The following MRTFB variants were observed in gnomAD, a reference collection of about 807,000 sequenced individuals.
MRTFB encodes the protein myocardin related transcription factor B.
MRTFB carries 29 observed loss-of-function variants against 104.2 expected under a neutral mutation model. That is an observed-to-expected ratio of 0.28 (90% CI 0.21 to 0.38). The LOEUF is 0.38. Among genes scored for constraint, MRTFB ranks in the 10% least tolerant of loss-of-function variants. MRTFB has a pLI of 1.00. For synonymous variants in MRTFB, 535 were observed against 519.5 expected (o/e 1.03, Z -0.41); for missense variants, 1,270 against 1,341.6 (o/e 0.95, Z 0.83).
intron 3 of MRTFB, among the ~76,000 whole-genome samples, chr16:14,161,449 A>G (rs1441872888): frequency 1.3e-5 from 2 of 152,124 alleles, no homozygotes; most frequent in Non-Finnish European, 2.9e-5. Flanking sequence ...TCTGGATTGA[A>G]CTCATACACA....
At chr16:14,151,506 G>A (rs1009733214) in intron 3 of MRTFB, 1 of 152,064 alleles carries the variant, frequency 6.6e-6, no homozygotes, top group Non-Finnish European at 1.5e-5. Context: ...AAGTCAGTGT[G>A]GCTTTTCAGA....
chr16:14,207,126 T>C (rs2040982716), intron 3 of MRTFB, among the ~76,000 whole-genome samples: 1 of 152,168 alleles, frequency 6.6e-6, no homozygotes, highest in Admixed American at 6.5e-5. Flanking sequence ...TCTAAATAAA[T>C]GAATGTGCCT....
intron 10 of MRTFB, chr16:14,241,000 G>A (rs1444268094): frequency 5.9e-6 from 3 of 507,994 alleles, no homozygotes; most frequent in Non-Finnish European, 6.8e-6. Flanking sequence ...TGGAAGGTGA[G>A]AAAAATTGCC....
the MRTFB span, among the ~76,000 whole-genome samples, chr16:14,059,799 G>C: frequency 6.6e-6 from 1 of 152,170 alleles, no homozygotes; most frequent in African/African-American, 2.4e-5. Context: ...TAGGGTCCAA[G>C]GTGAAGGGGA....
chr16:14,088,559 C>T (rs1332619274), intron 2 of MRTFB, among the ~76,000 whole-genome samples: 1 of 152,124 alleles, frequency 6.6e-6, no homozygotes, highest in Non-Finnish European at 1.5e-5. Context: ...TATGAGCACC[C>T]CCAGCATTAT....
chr16:14,045,988 G>A, the MRTFB span, among the ~76,000 whole-genome samples: 1 of 152,324 alleles, frequency 6.6e-6, no homozygotes, highest in South Asian at 2.1e-4. Flanking sequence ...AGTAGCAGTA[G>A]TGTTGGTCAT....
At chr16:14,023,604 CACACACAT>C in the MRTFB span, among the ~76,000 whole-genome samples, 2,567 of 131,576 alleles carry the variant, frequency 0.02, 99 homozygotes, top group African/African-American at 0.072. Flanking sequence ...CACACACACA[CACACACAT>C]ACATATACAT....
chr16:14,209,786 A>AT (rs200203305), intron 3 of MRTFB, among the ~76,000 whole-genome samples: 4,337 of 152,226 alleles, frequency 0.028, 234 homozygotes, highest in African/African-American at 0.098. Context: ...CATAGGTCTA[A>AT]TTTTTATTAT....
the MRTFB span, among the ~76,000 whole-genome samples, chr16:14,029,514 TAC>T: frequency 1.1e-4 from 12 of 112,604 alleles, no homozygotes; most frequent in South Asian, 2.9e-4. Flanking sequence ...CACATATATA[TAC>T]ACACACACAC....
chr16:14,002,183 G>C, the MRTFB span, among the ~76,000 whole-genome samples: 1 of 152,134 alleles, frequency 6.6e-6, no homozygotes, highest in Non-Finnish European at 1.5e-5. Context: ...AGGAGTTCAA[G>C]ACCAGCCTGG....
At chr16:14,141,706 A>C (rs544124814) in intron 3 of MRTFB, 15 of 152,186 alleles carry the variant, frequency 9.9e-5, no homozygotes, top group Non-Finnish European at 1.8e-4. Context: ...GGATTAAAAA[A>C]ACCATACATA....
chr16:13,999,211 C>T, the MRTFB span, among the ~76,000 whole-genome samples: 1 of 146,948 alleles, frequency 6.8e-6, no homozygotes, highest in Non-Finnish European at 1.5e-5. Context: ...AAAAAAAGAA[C>T]AGTCACTTCT....
intron 2 of MRTFB, among the ~76,000 whole-genome samples, chr16:14,131,614 A>G (rs1328450427): frequency 3.3e-5 from 5 of 152,310 alleles, no homozygotes; most frequent in South Asian, 2.1e-4. Flanking sequence ...TAACTCAACA[A>G]TGAAAACACA....
chr16:14,177,050 C>T lies in MRTFB; in HGVS notation c.155-33193C>T, dbSNP rs961936642. Among the ~76,000 whole-genome samples, 13 of 152,240 alleles carry T rather than the reference C, an allele frequency of 8.5e-5. No individual in the cohort carries two copies. The highest frequency in any genetic ancestry group is 2.0e-4 in the Admixed American group (3 of 15,290). The stretch of plus-strand genomic sequence containing the variant: ...GGCAGAGATAGGGAATAGGGAAATC[C>T]AGGAAGAAAAAACTTGTACAAAAAC... On this transcript the variant is annotated intron_variant, in intron 3 of 16. Transcript: ENST00000571589. This position sits in a 1 kb window ranked among gnomAD's most constrained non-coding sequence, Gnocchi z 4.7.
intron 3 of MRTFB, among the ~76,000 whole-genome samples, chr16:14,203,960 G>A (rs2040831761): frequency 6.6e-6 from 1 of 151,830 alleles, no homozygotes; most frequent in Admixed American, 6.6e-5. Flanking sequence ...TTTGTTTTGT[G>A]TGTTTATTTG....
intron 2 of MRTFB, among the ~76,000 whole-genome samples, chr16:14,102,088 G>A (rs1198874233): frequency 2.0e-5 from 3 of 151,932 alleles, no homozygotes; most frequent in Non-Finnish European, 4.4e-5. Flanking sequence ...TGGCCATGAG[G>A]GCAGAGGGTT....
the MRTFB span, among the ~76,000 whole-genome samples, chr16:14,043,566 C>A: frequency 6.6e-6 from 1 of 152,120 alleles, no homozygotes; most frequent in Non-Finnish European, 1.5e-5. Context: ...TTATGCTATT[C>A]CCAAACCTCA....
chr16:14,039,531 C>T, the MRTFB span, among the ~76,000 whole-genome samples: 1 of 151,632 alleles, frequency 6.6e-6, no homozygotes, highest in African/African-American at 2.4e-5. Flanking sequence ...TTTTATTTCC[C>T]GATTAACTAT....
intron 2 of MRTFB, among the ~76,000 whole-genome samples, chr16:14,100,971 G>T (rs982313802): frequency 6.6e-6 from 1 of 151,958 alleles, no homozygotes; most frequent in Admixed American, 6.6e-5. Flanking sequence ...CCAACTGGAG[G>T]TTTATCAATT....
Sources: gnomAD v4.1 joint callset for allele counts (sites outside exome capture counted in the v4.1 genomes callset) on GRCh38, gnomAD v4.1.1 for gene constraint, Gnocchi (gnomAD v3.1) non-coding constraint, MANE v1.5 for transcripts, NCBI Gene and HGNC (gene_info 2026-07-23, HGNC 2026-07-21) for gene names.